Variants in THSD7B observed in about 807,000 individuals in gnomAD.
THSD7B encodes the protein thrombospondin type 1 domain containing 7B.
A neutral mutation model predicts 213.6 loss-of-function variants in THSD7B; 138 were observed. That is an observed-to-expected ratio of 0.65 (90% CI 0.56 to 0.74). The LOEUF is 0.74. Among genes scored for constraint, THSD7B ranks in the 30% least tolerant of loss-of-function variants. The pLI is 0.00. For synonymous variants in THSD7B, 742 were observed against 687.0 expected (o/e 1.08, Z -1.25); for missense variants, 1,931 against 1,991.5 (o/e 0.97, Z 0.58).
rs28876723 is a variant in THSD7B at position 137,485,584 on chromosome 2, A to T, written c.3138+34561A>T. On this transcript the variant is annotated intron_variant, in intron 15 of 27. Transcript: ENST00000409968. Reference sequence around the variant, plus strand: ...GTTGGAAAACACTCTGCAGGATATTATCCAGGAGAACTTCCCCAATCTAGC... The same window carrying T: ...GTTGGAAAACACTCTGCAGGATATTTTCCAGGAGAACTTCCCCAATCTAGC... 6.8e-3 allele frequency among the ~76,000 whole-genome samples: 1,032 copies of T among 152,300 alleles called. 9 individuals carry two copies. The highest frequency in any genetic ancestry group is 0.023 in the African/African-American group (976 of 41,546).
chr2:137,595,147 C>T (rs939276686), intron 17 of THSD7B, among the ~76,000 whole-genome samples: 26 of 151,908 alleles, frequency 1.7e-4, no homozygotes, highest in African/African-American at 5.1e-4. Flanking sequence ...GACACCTTTC[C>T]GTATGATATT....
At chr2:137,554,288 C>T (rs990804904) in intron 15 of THSD7B, among the ~76,000 whole-genome samples, 4 of 152,112 alleles carry the variant, frequency 2.6e-5, no homozygotes, top group Non-Finnish European at 5.9e-5. Flanking sequence ...TATTAATAGC[C>T]TCCCCTTCAC....
chr2:136,990,397 C>T (rs1216796975), intron 2 of THSD7B, among the ~76,000 whole-genome samples: 2 of 152,144 alleles, frequency 1.3e-5, no homozygotes, highest in African/African-American at 4.8e-5. Flanking sequence ...ATCAAGATGC[C>T]TGAGCAAGAG....
chr2:137,196,655 C>T (rs1680771934), intron 7 of THSD7B, among the ~76,000 whole-genome samples: 1 of 152,000 alleles, frequency 6.6e-6, no homozygotes. Context: ...CACCTTTTGC[C>T]TTCTGATAGT....
intron 22 of THSD7B, 33 bp from the exon 23 acceptor site, chr2:137,656,763 G>C (rs755776603): frequency 4.4e-6 from 7 of 1,582,656 alleles, no homozygotes; most frequent in Non-Finnish European, 6.0e-6. Flanking sequence ...TTTTCATGCT[G>C]TTTTCTCCAC....
chr2:136,965,295 T>C (rs144967060), intron 2 of THSD7B, among the ~76,000 whole-genome samples: 1 of 152,216 alleles, frequency 6.6e-6, no homozygotes, highest in Non-Finnish European at 1.5e-5. Context: ...GCCTCTCTTA[T>C]GGAGTTTACT....
chr2:137,528,709 C>G (rs1680325145), intron 15 of THSD7B, among the ~76,000 whole-genome samples: 1 of 152,050 alleles, frequency 6.6e-6, no homozygotes, highest in South Asian at 2.1e-4. Context: ...GCATTTCTCA[C>G]AGTTTCATCT....
intron 1 of THSD7B, among the ~76,000 whole-genome samples, chr2:136,844,145 A>C (rs1682961212): frequency 6.6e-6 from 1 of 152,096 alleles, no homozygotes; most frequent in Non-Finnish European, 1.5e-5. Flanking sequence ...ATTAGTCGGG[A>C]TCCAGTCAGG....
At chr2:136,974,484 A>C (rs957185765) in intron 2 of THSD7B, among the ~76,000 whole-genome samples, 1 of 152,164 alleles carries the variant, frequency 6.6e-6, no homozygotes, top group African/African-American at 2.4e-5. Flanking sequence ...TTTGCTGAGG[A>C]TAATGGCTTC....
chr2:137,575,742 A>ATATATATATATATATATTTT lies in THSD7B; in HGVS notation c.3423+3187_3423+3188insATATATATATATATATTTTT, dbSNP rs1235744133. 1.6e-3 allele frequency among the ~76,000 whole-genome samples: 237 copies of ATATATATATATATATATTTT among 147,386 alleles called. 1 individual carries two copies. The highest frequency in any genetic ancestry group is 0.015 in the Middle Eastern group (4 of 272). ...ATAACACACATATATATATATATAT[A>ATATATATATATATATATTTT]TTTTTACTTTAACATGCTTACTTTT... On this transcript the variant is annotated intron_variant, in intron 17 of 27. Transcript: ENST00000409968.
In THSD7B at chr2:137,642,478, A is replaced by G. The variant is rs546919051; in HGVS notation, c.3800-10A>G. ...TAACTGAAAAGCTGACACCTCCCTT[A>G]TCATTTTAGGTCGAATGAGCCGGAC... On this transcript the variant is annotated splice_polypyrimidine_tract_variant and intron_variant, in intron 20 of 27. Transcript: ENST00000409968. 1.9e-6 allele frequency: 3 copies of G among 1,613,346 alleles called. No homozygotes were observed. The highest frequency in any genetic ancestry group is 2.5e-6 in the Non-Finnish European group (3 of 1,179,668).
intron 12 of THSD7B, among the ~76,000 whole-genome samples, chr2:137,300,129 G>A (rs1370872826): frequency 1.3e-5 from 2 of 151,986 alleles, no homozygotes; most frequent in African/African-American, 2.4e-5. Context: ...ATGTGCTAAG[G>A]GAAATCAAAT....
chr2:136,933,164 C>CTTCCTTCCTTCG (rs1684663065), intron 2 of THSD7B, among the ~76,000 whole-genome samples: 1 of 125,594 alleles, frequency 8.0e-6, no homozygotes, highest in Non-Finnish European at 1.9e-5. Flanking sequence ...TCCTTCCTTC[C>CTTCCTTCCTTCG]TTCCTGTTCA....
chr2:137,137,499 G>A (rs9287465), intron 5 of THSD7B, among the ~76,000 whole-genome samples: 102,804 of 152,092 alleles, frequency 0.68, 36,535 homozygotes, highest in Non-Finnish European at 0.78. Flanking sequence ...ATGCTTAGAC[G>A]TGTTTAGATA....
At chr2:137,083,749 C>T (rs1483531057) in intron 3 of THSD7B, among the ~76,000 whole-genome samples, 8 of 152,136 alleles carry the variant, frequency 5.3e-5, no homozygotes, top group African/African-American at 9.6e-5. Context: ...ATGTTGCAAA[C>T]GTTCGCTGAG....
intron 5 of THSD7B, among the ~76,000 whole-genome samples, chr2:137,141,097 G>A (rs1407544727): frequency 6.6e-6 from 1 of 152,170 alleles, no homozygotes; most frequent in Non-Finnish European, 1.5e-5. Flanking sequence ...CTCACATGGA[G>A]GAGTGTGAGG....
chr2:137,444,256 T>G (rs1183594135), intron 14 of THSD7B, among the ~76,000 whole-genome samples: 1 of 152,048 alleles, frequency 6.6e-6, no homozygotes, highest in Admixed American at 6.6e-5. Context: ...GGCAAGCTGG[T>G]AACTCTATTG....
At chr2:137,382,678 C>T (rs1217432149) in intron 12 of THSD7B, among the ~76,000 whole-genome samples, 1 of 152,206 alleles carries the variant, frequency 6.6e-6, no homozygotes, top group Non-Finnish European at 1.5e-5. Flanking sequence ...ATGGTGCAGA[C>T]ATCCACTTTA....
intron 12 of THSD7B, among the ~76,000 whole-genome samples, chr2:137,401,315 T>C (rs1284962493): frequency 1.3e-5 from 2 of 152,204 alleles, no homozygotes; most frequent in Non-Finnish European, 1.5e-5. Context: ...TAATTTCCTT[T>C]GTGTGTTTGT....
Sources: allele counts gnomAD v4.1 joint callset (sites outside exome capture counted in the v4.1 genomes callset), GRCh38; gene constraint gnomAD v4.1.1; transcripts MANE v1.5; gene names NCBI Gene and HGNC (gene_info 2026-07-23, HGNC 2026-07-21).